The following ACSBG1 variants were observed in gnomAD, a reference collection of about 807,000 sequenced individuals.
ACSBG1 encodes the protein long-chain-fatty-acid--CoA ligase ACSBG1.
A neutral mutation model predicts 80.2 loss-of-function variants in ACSBG1; 39 were observed. The observed-to-expected ratio is 0.49, with a 90% confidence interval of 0.38 to 0.64. The LOEUF (loss-of-function observed/expected upper bound fraction) is 0.64. Among genes scored for constraint, ACSBG1 ranks in the 30% least tolerant of loss-of-function variants. The pLI is 0.00. For synonymous variants in ACSBG1, 392 were observed against 379.5 expected, an observed-to-expected ratio of 1.03 and a Z score of -0.38; for missense variants, 828 against 966.4, an observed-to-expected ratio of 0.86 and a Z score of 1.90.
chr15:78,219,914 C>T (rs947109122), intron 1 of ACSBG1, among the ~76,000 whole-genome samples: 16 of 152,020 alleles, frequency 1.1e-4, no homozygotes, highest in African/African-American at 2.9e-4. Context: ...AACCTGGAGG[C>T]GGAGCTTGCA....
At chr15:78,181,874 A>G in intron 8 of ACSBG1, 95 bp downstream of exon 8, 1 of 1,459,508 alleles carries the variant, frequency 6.9e-7, no homozygotes, top group East Asian at 2.3e-5. Flanking sequence ...ATGCACAGGA[A>G]CAGCACACAC....
At chr15:78,229,015 T>A (rs942859215) in intron 1 of ACSBG1, among the ~76,000 whole-genome samples, 18 of 152,184 alleles carry the variant, frequency 1.2e-4, no homozygotes, top group African/African-American at 4.1e-4. Context: ...ACACATAACA[T>A]AAAATTTTCC....
chr15:78,191,217 C>T (rs76541648), intron 5 of ACSBG1, among the ~76,000 whole-genome samples: 1,800 of 152,276 alleles, frequency 0.012, 100 homozygotes, highest in Admixed American at 0.098. Flanking sequence ...ACATAATAAT[C>T]TAAACACGTA....
At chr15:78,214,608 T>C (rs1402177011) in intron 1 of ACSBG1, among the ~76,000 whole-genome samples, 3 of 152,030 alleles carry the variant, frequency 2.0e-5, no homozygotes, top group Admixed American at 6.6e-5. Context: ...CTTGGCTAAT[T>C]TTTGTATTTT....
At chr15:78,232,839 C>T (rs867869659) in intron 1 of ACSBG1, among the ~76,000 whole-genome samples, 17 of 152,134 alleles carry the variant, frequency 1.1e-4, no homozygotes, top group African/African-American at 4.1e-4. Flanking sequence ...CACGTACCAC[C>T]ACCTGGCTGT....
chr15:78,233,810 A>G (rs1044616581), intron 1 of ACSBG1, among the ~76,000 whole-genome samples: 1 of 152,208 alleles, frequency 6.6e-6, no homozygotes, highest in South Asian at 2.1e-4. Flanking sequence ...GGCCTGGGCC[A>G]GGGTGGGCAT....
At chr15:78,207,917 T>TCCCCCCCC in intron 2 of ACSBG1, 85 bp downstream of exon 2, 3 of 876,064 alleles carry the variant, frequency 3.4e-6, no homozygotes, top group Admixed American at 2.0e-5. Flanking sequence ...TGTGTGGTGG[T>TCCCCCCCC]CCCCCACACC....
At chr15:78,184,461 G>A (rs1018343082) in intron 5 of ACSBG1, among the ~76,000 whole-genome samples, 4 of 151,966 alleles carry the variant, frequency 2.6e-5, no homozygotes, top group African/African-American at 9.7e-5. Context: ...GGGATTATAC[G>A]AATGAGCTGC....
Position 78,180,839 on chromosome 15 carries a change from G to A in ACSBG1, c.1169C>T (p.Ala390Val), listed in dbSNP as rs1489642745. ...EKIMERIQEV[A>V]AQSGFIRRKM... is the part of the protein sequence containing the mutation. The stretch of plus-strand genomic sequence containing the variant: ...TCGCCGGATGAAGCCAGACTGAGCC[G>A]CCACCTCCTGGATGCGCTCCATGAT... Residue 390 changes from alanine to valine, a missense_variant, in exon 9 of 14, where the codon GCG becomes GTG. By Grantham distance (64) the Ala-to-Val change is moderately conservative. Around this residue, in one of 3 missense-constraint regions of ACSBG1, gnomAD observed 271 missense variants for 375.9 expected, o/e 0.72. Transcript: ENST00000258873. The A allele has an allele frequency of 1.9e-6, 3 of 1,614,182 alleles. No homozygotes were observed. The highest frequency in any genetic ancestry group is 2.5e-6 in the Non-Finnish European group (3 of 1,180,030).
At chr15:78,216,451 A>C (rs1007194223) in intron 1 of ACSBG1, among the ~76,000 whole-genome samples, 1 of 152,196 alleles carries the variant, frequency 6.6e-6, no homozygotes, top group South Asian at 2.1e-4. Context: ...GAGAGGACTC[A>C]AGGCCAAGGT....
intron 1 of ACSBG1, chr15:78,213,800 G>A (rs973527782): frequency 6.6e-6 from 1 of 152,272 alleles, no homozygotes; most frequent in African/African-American, 2.4e-5. Flanking sequence ...TGTTTGGTTT[G>A]GTTCCTTACT....
chr15:78,227,989 A>G (rs1452456697), intron 1 of ACSBG1, among the ~76,000 whole-genome samples: 2 of 152,200 alleles, frequency 1.3e-5, no homozygotes, highest in African/African-American at 4.8e-5. Flanking sequence ...GAGATTGATT[A>G]ATTGACTAAT....
intron 2 of ACSBG1, among the ~76,000 whole-genome samples, chr15:78,198,656 C>A (rs1471819066): frequency 6.6e-6 from 1 of 152,196 alleles, no homozygotes; most frequent in East Asian, 1.9e-4. Flanking sequence ...CCTATAATCT[C>A]TTTTTAATGA....
intron 2 of ACSBG1, among the ~76,000 whole-genome samples, chr15:78,200,044 G>A (rs941767049): frequency 6.6e-6 from 1 of 152,150 alleles, no homozygotes; most frequent in African/African-American, 2.4e-5. Flanking sequence ...CGGATCAAGA[G>A]AAAAGAGTGT....
At chr15:78,207,802 T>C in intron 2 of ACSBG1, 200 bp downstream of exon 2, 1 of 587,020 alleles carries the variant, frequency 1.7e-6, no homozygotes. Flanking sequence ...CCCTCATTCC[T>C]TTCCATCACG....
At position 78,174,698 on chromosome 15, in the gene ACSBG1, C is replaced by T. The variant is rs1399357604; in HGVS notation, c.1703-174G>A. 5 of 685,140 alleles carry T rather than the reference C, an allele frequency of 7.3e-6. No homozygotes were observed. In the African/African-American group the frequency reaches 9.1e-5, roughly 13 times the overall value. 42.4% of individuals were successfully genotyped at this position (685,140 alleles called of 1,614,324 possible). A position where few individuals can be genotyped will look rare whatever the true frequency, so the allele number is the denominator to read the frequency against. ...AAAGCAACTCACACCTGCTTGGGGG[C>T]TGGTGGCAGCACCCCGACGACAAAT... On this transcript the variant is annotated intron_variant, in intron 11 of 13. Coordinates refer to ENST00000258873, the MANE Select transcript of ACSBG1 (RefSeq NM_015162.5).
At chr15:78,207,772 T>C (rs1175935524) in intron 2 of ACSBG1, 6 of 545,678 alleles carry the variant, frequency 1.1e-5, no homozygotes, top group Middle Eastern at 4.8e-4. Context: ...CCAGCTTTCT[T>C]GAAGAAGAAA....
chr15:78,199,731 A>C (rs897594521), intron 2 of ACSBG1, among the ~76,000 whole-genome samples: 1 of 150,750 alleles, frequency 6.6e-6, no homozygotes, highest in South Asian at 2.1e-4. Flanking sequence ...TCCTGGTCTC[A>C]AGCAATCCTC....
In ACSBG1 at chr15:78,169,088, A is replaced by G. The variant is rs922790097; in HGVS notation, c.*2356T>C. The stretch of plus-strand genomic sequence containing the variant: ...GTTTAGAATACCTACGTATGTATGC[A>G]TTGGTTTGCTTGTTTCTTGACAGTA... On this transcript the variant is annotated 3_prime_UTR_variant, in exon 14 of 14. Transcript: ENST00000258873. 3.8e-6 allele frequency: 3 copies of G among 792,738 alleles called. No individual in the cohort carries two copies. The highest frequency in any genetic ancestry group is 4.1e-6 in the Non-Finnish European group (2 of 489,428). 49.1% of individuals were successfully genotyped at this position (792,738 alleles called of 1,614,324 possible).
Sources: allele counts gnomAD v4.1 joint callset (sites outside exome capture counted in the v4.1 genomes callset), GRCh38; gene constraint gnomAD v4.1.1; regional missense constraint gnomAD v4.1.1; transcripts MANE v1.5; gene names NCBI Gene and HGNC (gene_info 2026-07-23, HGNC 2026-07-21).